Variants in SHOX2 observed in about 807,000 individuals in gnomAD.
SHOX2 encodes SHOX homeobox 2, also known as short stature homeobox protein 2.
In SHOX2, 13 loss-of-function variants were observed where a neutral mutation model predicts 31.3. The ratio of observed to expected loss-of-function variants is 0.42; its 90% CI spans 0.27 to 0.66. The LOEUF is 0.66. Among genes scored for constraint, SHOX2 ranks in the 30% least tolerant of loss-of-function variants. The probability of loss-of-function intolerance (pLI) is 0.27; values close to 1 mark genes in which losing one functional copy is unlikely to be tolerated. For missense variants in SHOX2, 473 were observed against 443.0 expected, an observed-to-expected ratio of 1.07 and a Z score of -0.61; for synonymous variants, 244 against 196.2, an observed-to-expected ratio of 1.24 and a Z score of -2.04.
rs928786767 is a variant in SHOX2 at position 158,096,552 on chromosome 3, A to G, written c.*1475T>C. ...AAACTTTGTTCGTGTGTATCAACAT[A>G]TCTTACACAAACCTAGTGCCTGTAT... On this transcript the variant is annotated 3_prime_UTR_variant, in exon 5 of 5. Transcript: ENST00000483851. The G allele has an allele frequency of 4.6e-5, 7 of 152,696 alleles. No homozygotes were observed. Among genetic ancestry groups the G allele is most frequent in the African/African-American group, 1.4e-4 (6 of 41,558 alleles). 9.5% of individuals were successfully genotyped at this position (152,696 alleles called of 1,614,324 possible). A position where few individuals can be genotyped will look rare whatever the true frequency, so the allele number is the denominator to read the frequency against.
chr3:158,096,906 A>ATATATG lies in SHOX2; in HGVS notation c.*1120_*1121insCATATA, dbSNP rs1713131008. Reference sequence around the variant, plus strand: ...ACAGGGCAAATATATATATATATATATATATATATATATATATATATATAT... The same window carrying ATATATG: ...ACAGGGCAAATATATATATATATATATATATGTATATATATATATATATATATATAT... On this transcript the variant is annotated 3_prime_UTR_variant, in exon 5 of 5. Transcript: ENST00000483851. 22 of 106,172 alleles carry ATATATG rather than the reference A, an allele frequency of 2.1e-4. 1 individual carries two copies. In the South Asian group the frequency reaches 6.5e-3, roughly 31 times the overall value. 6.6% of individuals were successfully genotyped at this position (106,172 alleles called of 1,614,324 possible).
At chr3:158,099,800 T>A (rs527279605) in intron 4 of SHOX2, 60 bp downstream of exon 4, 120 of 1,254,538 alleles carry the variant, frequency 9.6e-5, no homozygotes, top group Non-Finnish European at 1.3e-4. Context: ...GTTCAACAGT[T>A]CAAGCAAACA....
chr3:158,105,745 C>T lies in SHOX2; in HGVS notation c.280G>A (p.Val94Ile), dbSNP rs1435804480. The T allele has an allele frequency of 3.9e-6, 6 of 1,521,568 alleles. No individual in the cohort carries two copies. In the East Asian group the frequency reaches 1.4e-4, roughly 35 times the overall value. The allele number at this position is 1,521,568 out of a possible 1,614,324, so 94.3% of individuals were successfully genotyped here. A position where few individuals can be genotyped will look rare whatever the true frequency, so the allele number is the denominator to read the frequency against. The change falls in exon 1 of 5, where the codon GTC (valine) becomes ATC (isoleucine). Residue 94 changes from valine (V) to isoleucine (I), a missense_variant. By Grantham distance (29) the Val-to-Ile change is conservative. Around this residue, in one of 3 missense-constraint regions of SHOX2, gnomAD observed 276 missense variants for 230.0 expected, o/e 1.20. Transcript: ENST00000483851. ...GCGGCGCCCATGTCCAGCTCCCGGA[C>T]GGGAGAGCGCCCTCCTCCAGCTCCT... Reference protein sequence around the residue: ...GGGAGGGRSPVRELDMGAAER... With the variant: ...GGGAGGGRSPIRELDMGAAER...
intron 2 of SHOX2, among the ~76,000 whole-genome samples, chr3:158,100,608 C>G (rs547656015): frequency 3.3e-5 from 5 of 152,124 alleles, no homozygotes; most frequent in South Asian, 4.1e-4. Context: ...GTACCTGATA[C>G]CAACATGATA....
At chr3:158,099,738 A>G in intron 4 of SHOX2, 122 bp downstream of exon 4, 1 of 758,762 alleles carries the variant, frequency 1.3e-6, no homozygotes, top group South Asian at 1.7e-5. Context: ...ATCATCTCAA[A>G]ATGATTCTCC....
At chr3:158,104,648 CGAG>C (rs1467135776) in intron 1 of SHOX2, among the ~76,000 whole-genome samples, 2 of 152,270 alleles carry the variant, frequency 1.3e-5, no homozygotes, top group South Asian at 2.1e-4. Context: ...TTTGGGGCTT[CGAG>C]GAGATGTCCA....
intron 2 of SHOX2, among the ~76,000 whole-genome samples, chr3:158,101,186 A>G (rs1469819127): frequency 2.0e-5 from 3 of 152,194 alleles, no homozygotes; most frequent in Admixed American, 1.3e-4. Context: ...ATATTGATTG[A>G]CTCACAAATT....
intron 4 of SHOX2, 24 bp from the exon 5 acceptor site, chr3:158,098,308 T>C: frequency 1.2e-6 from 2 of 1,610,864 alleles, no homozygotes; most frequent in Non-Finnish European, 1.7e-6. Context: ...GGCGTCACGT[T>C]GCAATGACTA....
rs1367704843 is a variant in SHOX2, at chr3:158,097,409, G to A, written c.*618C>T. 2.0e-5 allele frequency: 3 copies of A among 151,980 alleles called. No individual in the cohort carries two copies. The highest frequency in any genetic ancestry group is 7.3e-5 in the African/African-American group (3 of 41,332). The allele number at this position is 151,980 out of a possible 1,614,324, so 9.4% of individuals were successfully genotyped here. On this transcript the variant is annotated 3_prime_UTR_variant, in exon 5 of 5. Transcript: ENST00000483851. ...TAAGTATACCTCTTCTTTCTGCTTT[G>A]CCTTCTTAGCGCATTTTTAAAAACA...
intron 2 of SHOX2, among the ~76,000 whole-genome samples, chr3:158,101,315 AAC>A (rs1271603124): frequency 6.6e-6 from 1 of 152,232 alleles, no homozygotes; most frequent in East Asian, 1.9e-4. Flanking sequence ...TATTTAGTAC[AAC>A]AGAGGGTGGA....
rs771425409 is a variant in SHOX2 at position 158,098,158 on chromosome 3, G to C, written c.829C>G (p.Leu277Val). 3.1e-6 allele frequency: 5 copies of C among 1,613,358 alleles called. No homozygotes were observed. In the Admixed American group the frequency reaches 5.0e-5, roughly 16 times the overall value. Residue 277 changes from leucine (L) to valine (V), a missense_variant, in exon 5 of 5, where the codon CTG (leucine) becomes GTG (valine). Leu to Val is a conservative substitution (Grantham distance 32). Coordinates refer to ENST00000483851, the MANE Select transcript of SHOX2 (RefSeq NM_001163678.2). Reference protein sequence around the residue: ...APPFGLPLATLAADSASAASV... With the variant: ...APPFGLPLATVAADSASAASV... ...GCGGCGGAAGCCGAATCCGCGGCCA[G>C]CGTGGCGAGCGGCAGTCCGAAGGGC...
rs558534742 is a variant in SHOX2 at position 158,105,968 on chromosome 3, C to T, written c.57G>A (p.Lys19=). The change falls in exon 1 of 5, where the codon AAG becomes AAA. Residue 19 remains lysine, a synonymous_variant. Coordinates refer to ENST00000483851, the MANE Select transcript of SHOX2 (RefSeq NM_001163678.2). ...SKSFDQKVKE[K]KEAITYREVL... ...CCTCCCGGTACGTGATCGCCTCCTTCTTCTCCTTCACTTTCTGGTCAAAAG... is the reference window on the plus strand; with the variant it reads ...CCTCCCGGTACGTGATCGCCTCCTTTTTCTCCTTCACTTTCTGGTCAAAAG... 6.2e-7 allele frequency: 1 copy of T among 1,613,144 alleles called. No individual in the cohort carries two copies. The highest frequency in any genetic ancestry group is 8.5e-7 in the Non-Finnish European group (1 of 1,179,838).
At chr3:158,099,252 G>A (rs1390443919) in intron 4 of SHOX2, among the ~76,000 whole-genome samples, 1 of 152,242 alleles carries the variant, frequency 6.6e-6, no homozygotes, top group African/African-American at 2.4e-5. Flanking sequence ...TTAAATCATT[G>A]CTGCAGGCTG....
chr3:158,102,457 C>T lies in SHOX2; in HGVS notation c.555+221G>A, dbSNP rs1209969428. Among the ~76,000 whole-genome samples, 20 of 146,640 alleles carry T rather than the reference C, an allele frequency of 1.4e-4. 1 individual carries two copies. The highest frequency in any genetic ancestry group is 3.4e-3 in the Middle Eastern group (1 of 290). On this transcript the variant is annotated intron_variant, in intron 2 of 4. Coordinates refer to ENST00000483851, the MANE Select transcript of SHOX2 (RefSeq NM_001163678.2). ...GGAGAAAGCCCAGCACAGCTTTCTTCTTCTGGGAACATATGTTAGGATGGA... is the reference window on the plus strand; with the variant it reads ...GGAGAAAGCCCAGCACAGCTTTCTTTTTCTGGGAACATATGTTAGGATGGA...
At position 158,105,747 on chromosome 3, in the gene SHOX2, G is replaced by T. The variant is rs959523640; in HGVS notation, c.278C>A (p.Pro93His). 2.0e-6 allele frequency: 3 copies of T among 1,521,940 alleles called. No individual in the cohort carries two copies. In the South Asian group the frequency reaches 3.6e-5, roughly 18 times the overall value. 94.3% of individuals were successfully genotyped at this position (1,521,940 alleles called of 1,614,324 possible). ...GGCGCCCATGTCCAGCTCCCGGACG[G>T]GAGAGCGCCCTCCTCCAGCTCCTCC... Reference protein sequence around the residue: ...AGGGAGGGRSPVRELDMGAAE... With the variant: ...AGGGAGGGRSHVRELDMGAAE... The change falls in exon 1 of 5, where the codon CCC becomes CAC. Residue 93 changes from proline to histidine, a missense_variant. Physicochemically the swap from Pro to His is moderately conservative, Grantham distance 77. Coordinates refer to ENST00000483851, the MANE Select transcript of SHOX2 (RefSeq NM_001163678.2).
At chr3:158,101,806 T>C (rs926289542) in intron 2 of SHOX2, among the ~76,000 whole-genome samples, 1 of 152,182 alleles carries the variant, frequency 6.6e-6, no homozygotes, top group Non-Finnish European at 1.5e-5. Context: ...TGAGCGGAAA[T>C]ACAATCTGAA....
intron 1 of SHOX2, chr3:158,105,023 T>TCCACCC: frequency 4.9e-6 from 1 of 204,910 alleles, no homozygotes. Flanking sequence ...GATCCCCACC[T>TCCACCC]CCCCCGCCGC....
At chr3:158,103,328 ACT>A in intron 1 of SHOX2, 1 of 229,512 alleles carries the variant, frequency 4.4e-6, no homozygotes, top group East Asian at 1.1e-4. Context: ...AAGGCCACCC[ACT>A]GGCCTCTCAC....
chr3:158,099,761 A>T, intron 4 of SHOX2, 99 bp downstream of exon 4: 1 of 871,094 alleles, frequency 1.1e-6, no homozygotes, highest in Non-Finnish European at 1.9e-6. Flanking sequence ...CTATGCAGAC[A>T]TTGACATCTG....
Sources: allele counts gnomAD v4.1 joint callset (sites outside exome capture counted in the v4.1 genomes callset), GRCh38; gene constraint gnomAD v4.1.1; regional missense constraint gnomAD v4.1.1; transcripts MANE v1.5; gene names NCBI Gene and HGNC (gene_info 2026-07-23, HGNC 2026-07-21).